The following ARHGAP5 variants were observed in gnomAD, a reference collection of about 807,000 sequenced individuals.
ARHGAP5 encodes rho GTPase-activating protein 5.
ARHGAP5 carries 23 observed loss-of-function variants against 116.6 expected under a neutral mutation model. The observed-to-expected ratio is 0.20, with a 90% confidence interval of 0.14 to 0.28. The LOEUF (loss-of-function observed/expected upper bound fraction) is 0.28. Among genes scored for constraint, ARHGAP5 ranks in the 10% least tolerant of loss-of-function variants. The pLI, the probability that ARHGAP5 is intolerant of heterozygous loss-of-function variation, is 1.00. For missense variants in ARHGAP5, 1,405 were observed against 1,774.8 expected (o/e 0.79, Z 3.74); for synonymous variants, 574 against 602.0 (o/e 0.95, Z 0.68).
intron 4 of ARHGAP5, 87 bp from the exon 5 acceptor site, chr14:32,149,815 T>C: frequency 1.3e-6 from 1 of 776,752 alleles, no homozygotes. Context: ...GACTTAAAGT[T>C]ATCTTTTGAT....
chr14:32,095,446 CTT>C (rs1348175751), intron 2 of ARHGAP5, among the ~76,000 whole-genome samples: 6 of 125,882 alleles, frequency 4.8e-5, no homozygotes, highest in Admixed American at 1.9e-4. Flanking sequence ...GAGTTTCGCT[CTT>C]GTTTCCCAGG....
intron 3 of ARHGAP5, among the ~76,000 whole-genome samples, chr14:32,128,469 C>T (rs1880307328): frequency 6.6e-6 from 1 of 152,386 alleles, no homozygotes; most frequent in Non-Finnish European, 1.5e-5. Flanking sequence ...GAGAAAGTCC[C>T]TTCACCTCGC....
intron 1 of ARHGAP5, among the ~76,000 whole-genome samples, chr14:32,087,484 C>A: frequency 7.0e-6 from 1 of 142,572 alleles, no homozygotes; most frequent in Admixed American, 7.0e-5. Context: ...CGCCCGCCCT[C>A]CCCCGCTTTT....
chr14:32,083,266 A>G (rs902107062), intron 1 of ARHGAP5, among the ~76,000 whole-genome samples: 3 of 152,242 alleles, frequency 2.0e-5, no homozygotes, highest in Non-Finnish European at 2.9e-5. Context: ...TTGGGGGGCA[A>G]ATTAAAAGAA....
intron 5 of ARHGAP5, among the ~76,000 whole-genome samples, chr14:32,151,980 A>T (rs1333576815): frequency 2.0e-5 from 3 of 152,180 alleles, no homozygotes; most frequent in Non-Finnish European, 4.4e-5. Flanking sequence ...TCCAACCCCT[A>T]GGCCACACAG....
intron 2 of ARHGAP5, among the ~76,000 whole-genome samples, chr14:32,109,962 C>G (rs1879204871): frequency 6.6e-6 from 1 of 151,886 alleles, no homozygotes. Flanking sequence ...TGTAGCTTAC[C>G]AAGTTCAGCA....
intron 3 of ARHGAP5, among the ~76,000 whole-genome samples, chr14:32,121,879 T>C (rs185643009): frequency 2.4e-4 from 36 of 152,388 alleles, no homozygotes; most frequent in African/African-American, 8.7e-4. Context: ...TTAACATAGT[T>C]TTCAAGTTAT....
intron 3 of ARHGAP5, among the ~76,000 whole-genome samples, chr14:32,142,305 T>C (rs1034665276): frequency 6.6e-6 from 1 of 152,230 alleles, no homozygotes; most frequent in Non-Finnish European, 1.5e-5. Flanking sequence ...CTTGTTTCTT[T>C]GTATGCCTCT....
chr14:32,142,206 A>G (rs938391035), intron 3 of ARHGAP5, among the ~76,000 whole-genome samples: 2 of 152,148 alleles, frequency 1.3e-5, no homozygotes, highest in African/African-American at 4.8e-5. Flanking sequence ...GTGATTTTTT[A>G]AAAGAACTTT....
chr14:32,082,325 C>G (rs1422057346), intron 1 of ARHGAP5, among the ~76,000 whole-genome samples: 1 of 152,114 alleles, frequency 6.6e-6, no homozygotes, highest in African/African-American at 2.4e-5. Context: ...GTTTATGATG[C>G]TGAAATTTAT....
At chr14:32,135,639 T>C (rs896554918) in intron 3 of ARHGAP5, among the ~76,000 whole-genome samples, 1 of 152,210 alleles carries the variant, frequency 6.6e-6, no homozygotes, top group African/African-American at 2.4e-5. Flanking sequence ...GCCAGGCTGG[T>C]CTCAAACTCC....
rs556153971 is a variant in ARHGAP5, at chr14:32,148,637, T to C, written c.3944-1265T>C. On this transcript the variant is annotated intron_variant, in intron 4 of 6. Coordinates refer to ENST00000345122, the MANE Select transcript of ARHGAP5 (RefSeq NM_001030055.2). The stretch of plus-strand genomic sequence containing the variant: ...AATCTAAATGTTCAGTAATAGAATA[T>C]TATGTAAATTGTATAATCTAAGGAA... Among the ~76,000 whole-genome samples, 9 of 152,324 alleles carry C rather than the reference T, an allele frequency of 5.9e-5. No individual in the cohort carries two copies. The South Asian group carries it at 6.2e-4, about 11-fold the overall frequency.
chr14:32,130,209 A>ATTT (rs1201632953), intron 3 of ARHGAP5, among the ~76,000 whole-genome samples: 9 of 124,408 alleles, frequency 7.2e-5, no homozygotes, highest in Non-Finnish European at 1.2e-4. Context: ...TTCATAAGGG[A>ATTT]TTTTTTTTTT....
Position 32,157,888 on chromosome 14 carries a change from C to G in ARHGAP5, c.*2940C>G. ...TCTCTTAGGTATCAACAAAAGGGAA[C>G]AATTGGAATGAGAATTTAGGCCTTA... is the stretch of plus-strand genomic sequence containing the variant. On this transcript the variant is annotated 3_prime_UTR_variant, in exon 7 of 7. Transcript: ENST00000345122. 6.7e-6 allele frequency: 1 copy of G among 150,210 alleles called. No individual in the cohort carries two copies. Among genetic ancestry groups the G allele is most frequent in the East Asian group, 1.9e-4 (1 of 5,146 alleles). The allele number at this position is 150,210 out of a possible 1,614,324, so 9.3% of individuals were successfully genotyped here.
At chr14:32,145,334 CAA>C (rs990556207) in intron 3 of ARHGAP5, among the ~76,000 whole-genome samples, 1 of 152,192 alleles carries the variant, frequency 6.6e-6, no homozygotes, top group Non-Finnish European at 1.5e-5. Flanking sequence ...CCTCCACTGA[CAA>C]GAGTGAGGAG....
chr14:32,147,126 T>C (rs901401756), intron 4 of ARHGAP5, among the ~76,000 whole-genome samples: 1 of 152,194 alleles, frequency 6.6e-6, no homozygotes, highest in Non-Finnish European at 1.5e-5. Flanking sequence ...TTCAGTAAAT[T>C]CTATATGCGA....
At chr14:32,087,086 C>T (rs1355194227) in intron 1 of ARHGAP5, among the ~76,000 whole-genome samples, 1 of 151,850 alleles carries the variant, frequency 6.6e-6, no homozygotes, top group Non-Finnish European at 1.5e-5. Context: ...GCATGATTGA[C>T]ATAGATATTA....
rs757199082 is a variant in ARHGAP5 at position 32,092,885 on chromosome 14, G to C, written c.2216G>C (p.Arg739Pro). Reference protein sequence around the residue: ...FVDVPAGTYPRKFNETQIKQA... With the variant: ...FVDVPAGTYPPKFNETQIKQA... ...GATGTACCTGCTGGTACATATCCTC[G>C]TAAATTTAATGAAACCCAAATAAAG... Residue 739 changes from arginine (R) to proline (P), a missense_variant, in exon 2 of 7, where the codon CGT (arginine) becomes CCT (proline). Arg to Pro is a moderately radical substitution (Grantham distance 103). This residue lies in a region of ARHGAP5 where 944 missense variants were observed against 1,095.3 expected (regional missense o/e 0.86). Transcript: ENST00000345122. The surrounding 1 kb of genome is among the most constrained non-coding windows in gnomAD (Gnocchi z 4.1). 3.1e-6 allele frequency: 5 copies of C among 1,613,898 alleles called. No homozygotes were observed. Among genetic ancestry groups the C allele is most frequent in the Non-Finnish European group, 4.2e-6 (5 of 1,179,882 alleles).
Position 32,094,161 on chromosome 14 carries a change from C to T in ARHGAP5, c.3492C>T (p.Ala1164=), listed in dbSNP as rs2139023742. Reference sequence around the variant, plus strand: ...AATCTAAAACCTTGTTTAGTAAAGCCAAGTCATACTATAGAAGAACACATT... The same window carrying T: ...AATCTAAAACCTTGTTTAGTAAAGCTAAGTCATACTATAGAAGAACACATT... ...KYKSKTLFSK[A]KSYYRRTHSD... The change falls in exon 2 of 7, where the codon GCC becomes GCT. Residue 1164 remains alanine (A), a synonymous_variant. Transcript: ENST00000345122. 6.2e-7 allele frequency: 1 copy of T among 1,613,020 alleles called. No individual in the cohort carries two copies. The highest frequency in any genetic ancestry group is 2.2e-5 in the East Asian group (1 of 44,866).
Sources: gnomAD v4.1 joint callset for allele counts (sites outside exome capture counted in the v4.1 genomes callset) on GRCh38, gnomAD v4.1.1 for gene constraint, gnomAD v4.1.1 regional missense constraint, Gnocchi (gnomAD v3.1) non-coding constraint, MANE v1.5 for transcripts, NCBI Gene and HGNC (gene_info 2026-07-23, HGNC 2026-07-21) for gene names.